The following ABI2 variants were observed in gnomAD, a reference collection of about 807,000 sequenced individuals.
ABI2 encodes abl interactor 2.
In ABI2, 25 loss-of-function variants were observed where a neutral mutation model predicts 59.2. The observed-to-expected ratio is 0.42, with a 90% CI of 0.31 to 0.59. The LOEUF (loss-of-function observed/expected upper bound fraction) is 0.59, where lower values mean the gene tolerates loss of function less well. Among genes scored for constraint, ABI2 ranks in the 20% least tolerant of loss-of-function variants. ABI2 has a pLI of 0.14. For synonymous variants in ABI2, 213 were observed against 235.5 expected (o/e 0.90, Z 0.87); for missense variants, 545 against 681.8 (o/e 0.80, Z 2.23).
At chr2:203,386,483 C>T (rs1218800545) in intron 4 of ABI2, 3 of 360,036 alleles carry the variant, frequency 8.3e-6, no homozygotes, top group Admixed American at 7.2e-5. Flanking sequence ...GCTGTGTTGC[C>T]CAGTCTGGAA....
chr2:203,418,771 G>A (rs2098033483), intron 11 of ABI2, among the ~76,000 whole-genome samples: 1 of 152,156 alleles, frequency 6.6e-6, no homozygotes, highest in East Asian at 1.9e-4. Flanking sequence ...AATACTATGA[G>A]GCAGAAATCA....
chr2:203,402,739 G>A lies in ABI2; in HGVS notation c.1192+5G>A, dbSNP rs1559343244. ...CTTTTTATAGCCAGAATCCAGGTTAGTTTTTTTGTTTTTTTGCATTCTATA... is the reference window on the plus strand; with the variant it reads ...CTTTTTATAGCCAGAATCCAGGTTAATTTTTTTGTTTTTTTGCATTCTATA... On this transcript the variant is annotated splice_donor_5th_base_variant and intron_variant, in intron 9 of 11. Coordinates refer to ENST00000261018, the MANE Select transcript of ABI2 (RefSeq NM_001375670.1). 2 of 1,550,046 alleles carry A rather than the reference G, an allele frequency of 1.3e-6. No individual in the cohort carries two copies. Among genetic ancestry groups the A allele is most frequent in the Non-Finnish European group, 1.7e-6 (2 of 1,156,424 alleles).
chr2:203,380,128 T>C lies in ABI2; in HGVS notation c.286-80T>C, dbSNP rs528637435. On this transcript the variant is annotated intron_variant, in intron 2 of 11. Transcript: ENST00000261018. ...TTAGAATATGAGTAGCAATATTAAA[T>C]CTCTAGGCATATATATTTTGATTTT... is the stretch of plus-strand genomic sequence containing the variant. 6 of 828,572 alleles carry C rather than the reference T, an allele frequency of 7.2e-6. No homozygotes were observed. The East Asian group carries it at 1.7e-4, about 24-fold the overall frequency. The allele number at this position is 828,572 out of a possible 1,614,324, so 51.3% of individuals were successfully genotyped here. A position where few individuals can be genotyped will look rare whatever the true frequency, so the allele number is the denominator to read the frequency against.
At chr2:203,342,842 A>T (rs2080856346) in intron 1 of ABI2, among the ~76,000 whole-genome samples, 1 of 151,116 alleles carries the variant, frequency 6.6e-6, no homozygotes, top group African/African-American at 2.5e-5. Flanking sequence ...ATGTCTATAC[A>T]CACACACATC....
intron 1 of ABI2, among the ~76,000 whole-genome samples, chr2:203,354,232 C>G (rs1356694747): frequency 2.0e-5 from 3 of 151,710 alleles, no homozygotes; most frequent in Non-Finnish European, 2.9e-5. Context: ...TTTATAGAGA[C>G]AGGGTTTCGC....
In ABI2 at chr2:203,431,676, T is replaced by C. The variant is rs980054033; in HGVS notation, c.*4324T>C. The C allele has an allele frequency of 6.6e-6, 1 of 151,476 alleles. No homozygotes were observed. Among genetic ancestry groups the C allele is most frequent in the African/African-American group, 2.4e-5 (1 of 41,054 alleles). The allele number at this position is 151,476 out of a possible 1,614,324, so 9.4% of individuals were successfully genotyped here. On this transcript the variant is annotated 3_prime_UTR_variant, in exon 12 of 12. Coordinates refer to ENST00000261018, the MANE Select transcript of ABI2 (RefSeq NM_001375670.1). ...TTTGTGCTGACCTTTGTTCCTGTTTTGAGAATCTCATATAATTATTAAAAA... is the reference window on the plus strand; with the variant it reads ...TTTGTGCTGACCTTTGTTCCTGTTTCGAGAATCTCATATAATTATTAAAAA...
At chr2:203,353,349 G>A (rs945227364) in intron 1 of ABI2, among the ~76,000 whole-genome samples, 3 of 152,190 alleles carry the variant, frequency 2.0e-5, no homozygotes, top group Middle Eastern at 3.2e-3. Flanking sequence ...CATGTGGCTA[G>A]TGACTACCAT....
At position 203,406,962 on chromosome 2, in the gene ABI2, C is replaced by T. The variant is rs531048646; in HGVS notation, c.1192+4228C>T. On this transcript the variant is annotated intron_variant, in intron 9 of 11. Transcript: ENST00000261018. The stretch of plus-strand genomic sequence containing the variant: ...AATTCTACTTTTCTCCACGGCAAAC[C>T]TTTAACAAGGTGGTCGAAATTAATT... Among the ~76,000 whole-genome samples, 17 of 152,312 alleles carry T rather than the reference C, an allele frequency of 1.1e-4. No individual in the cohort carries two copies. The South Asian group carries it at 3.5e-3, about 32-fold the overall frequency.
At chr2:203,335,073 T>TG (rs1408971461) in intron 1 of ABI2, among the ~76,000 whole-genome samples, 1 of 152,124 alleles carries the variant, frequency 6.6e-6, no homozygotes, top group Non-Finnish European at 1.5e-5. Flanking sequence ...TTCATTTACT[T>TG]TGTGTTTCCT....
intron 8 of ABI2, among the ~76,000 whole-genome samples, chr2:203,399,794 C>T (rs546139364): frequency 2.0e-5 from 3 of 152,308 alleles, no homozygotes; most frequent in East Asian, 1.9e-4. Flanking sequence ...GGATTACAGG[C>T]GTGAGCCACT....
intron 2 of ABI2, among the ~76,000 whole-genome samples, chr2:203,377,516 T>G (rs2095790925): frequency 6.6e-6 from 1 of 152,236 alleles, no homozygotes; most frequent in Non-Finnish European, 1.5e-5. Context: ...AGACCCATTT[T>G]ATAAAAAAAG....
intron 6 of ABI2, 90 bp downstream of exon 6, chr2:203,394,936 C>T: frequency 7.0e-7 from 1 of 1,436,826 alleles, no homozygotes; most frequent in East Asian, 2.3e-5. Flanking sequence ...TTTCCAAGCA[C>T]TAAGTTCTTT....
At chr2:203,426,379 T>C (rs185011086) in intron 11 of ABI2, among the ~76,000 whole-genome samples, 3 of 152,280 alleles carry the variant, frequency 2.0e-5, no homozygotes, top group Admixed American at 1.3e-4. Flanking sequence ...GAAATTGATA[T>C]AATACTTGGG....
At chr2:203,331,808 C>CTTTTT (rs55695294) in intron 1 of ABI2, among the ~76,000 whole-genome samples, 1 of 121,974 alleles carries the variant, frequency 8.2e-6, no homozygotes, top group Non-Finnish European at 1.8e-5. Flanking sequence ...GCTCAGTGTT[C>CTTTTT]TTTTTTTTTT....
In ABI2 at chr2:203,328,563, C is replaced by T; in HGVS notation, c.49C>T (p.Arg17Trp). The change falls in exon 1 of 12, where the codon CGG becomes TGG. Residue 17 changes from arginine to tryptophan, a missense_variant. Arg to Trp is a moderately radical substitution (Grantham distance 101). Around this residue, in one of 4 missense-constraint regions of ABI2, gnomAD observed 55 missense variants for 59.7 expected, o/e 0.92. Coordinates refer to ENST00000261018, the MANE Select transcript of ABI2 (RefSeq NM_001375670.1). ...GGAAGAGGAAATCCCGGGGGGCCGC[C>T]GGGCCCTCTTCGACAGCTACACAAA... is the stretch of plus-strand genomic sequence containing the variant. ...LLEEEIPGGRRALFDSYTNLE... is the reference protein window; with the variant it reads ...LLEEEIPGGRWALFDSYTNLE... 1.2e-6 allele frequency: 2 copies of T among 1,605,790 alleles called. No individual in the cohort carries two copies. Among genetic ancestry groups the T allele is most frequent in the South Asian group, 2.2e-5 (2 of 90,548 alleles).
chr2:203,383,013 C>T (rs913393440), intron 4 of ABI2, among the ~76,000 whole-genome samples: 1 of 152,122 alleles, frequency 6.6e-6, no homozygotes, highest in African/African-American at 2.4e-5. Context: ...TTCAAGAAGC[C>T]TGCCTAAAAT....
intron 11 of ABI2, among the ~76,000 whole-genome samples, chr2:203,421,067 A>G (rs914313301): frequency 9.2e-5 from 14 of 152,294 alleles, no homozygotes; most frequent in African/African-American, 3.4e-4. Context: ...GTTGGATTAA[A>G]AAAAAAATCT....
intron 1 of ABI2, among the ~76,000 whole-genome samples, chr2:203,366,257 A>C (rs544075237): frequency 1.3e-5 from 2 of 152,326 alleles, no homozygotes; most frequent in Admixed American, 1.3e-4. Flanking sequence ...TAGGAGTTCG[A>C]GACCAGCTTG....
chr2:203,335,272 T>A (rs1272370275), intron 1 of ABI2, among the ~76,000 whole-genome samples: 1 of 152,184 alleles, frequency 6.6e-6, no homozygotes, highest in Non-Finnish European at 1.5e-5. Context: ...TTTATTTTAT[T>A]TTTTGAGACA....
Sources: gnomAD v4.1 joint callset for allele counts (sites outside exome capture counted in the v4.1 genomes callset) on GRCh38, gnomAD v4.1.1 for gene constraint, gnomAD v4.1.1 regional missense constraint, MANE v1.5 for transcripts, NCBI Gene and HGNC (gene_info 2026-07-23, HGNC 2026-07-21) for gene names.